The following SIK3 variants were observed in gnomAD, a reference collection of about 807,000 sequenced individuals.
SIK3 encodes the protein SIK family kinase 3, also known as serine/threonine-protein kinase SIK3.
Under a neutral mutation model 144.2 loss-of-function variants are expected in SIK3, and 28 were observed. The ratio of observed to expected loss-of-function variants is 0.19; its 90% confidence interval spans 0.14 to 0.27. The LOEUF (loss-of-function observed/expected upper bound fraction) is 0.27. Ranked by LOEUF, SIK3 falls within the 10% of genes least tolerant of loss-of-function variation. The probability of loss-of-function intolerance (pLI) is 1.00; values close to 1 mark genes in which losing one functional copy is unlikely to be tolerated. For synonymous variants in SIK3, 686 were observed against 676.3 expected, an observed-to-expected ratio of 1.01 and a Z score of -0.22; for missense variants, 1,319 against 1,776.0, an observed-to-expected ratio of 0.74 and a Z score of 4.62.
Position 117,098,386 on chromosome 11 carries a change from G to A in SIK3, c.30C>T (p.Gly10=), listed in dbSNP as rs1284711482. Residue 10 remains glycine (G), a synonymous_variant, in exon 1 of 25, where the codon GGC becomes GGT. Transcript: ENST00000445177. The part of the protein sequence containing the change: MAAAAASGA[G]GAAGAGTGGA... The stretch of plus-strand genomic sequence containing the variant: ...CCCCAGTCCCGGCCCCGGCAGCCCC[G>A]CCAGCTCCGCTCGCCGCCGCCGCCG... The A allele has an allele frequency of 3.5e-6, 4 of 1,153,814 alleles. No individual in the cohort carries two copies. The highest frequency in any genetic ancestry group is 4.3e-6 in the Non-Finnish European group (4 of 940,214). The allele number at this position is 1,153,814 out of a possible 1,614,324, so 71.5% of individuals were successfully genotyped here.
At chr11:117,074,810 C>T (rs1391777474) in intron 1 of SIK3, among the ~76,000 whole-genome samples, 3 of 151,810 alleles carry the variant, frequency 2.0e-5, no homozygotes, top group Non-Finnish European at 4.4e-5. Context: ...GCCTGTAATC[C>T]CAGCTACTGA....
chr11:116,947,493 C>A (rs1399714904), intron 3 of SIK3, among the ~76,000 whole-genome samples: 1 of 148,856 alleles, frequency 6.7e-6, no homozygotes, highest in Admixed American at 6.8e-5. Context: ...GCAACCAGAA[C>A]ACCATTTTTT....
At position 116,894,221 on chromosome 11, in the gene SIK3, G is replaced by T. The variant is rs74885676; in HGVS notation, c.865+2032C>A. On this transcript the variant is annotated intron_variant, in intron 6 of 24. Coordinates refer to ENST00000445177, the MANE Select transcript of SIK3 (RefSeq NM_001366686.3). ...TTCACCTGCTTGTTCTCTAAATAGC[G>T]GTATGTTCCAGAGTTTAATTCATGG... 8.5e-3 allele frequency among the ~76,000 whole-genome samples: 1,297 copies of T among 152,078 alleles called. 49 individuals are homozygous for T. The East Asian group carries it at 0.11, about 13-fold the overall frequency.
intron 3 of SIK3, among the ~76,000 whole-genome samples, chr11:116,941,851 T>C (rs1280617862): frequency 2.6e-5 from 4 of 152,180 alleles, no homozygotes; most frequent in Non-Finnish European, 5.9e-5. Flanking sequence ...TCTAAAGATA[T>C]CAGAGTGTGG....
At chr11:116,915,153 T>C (rs12290452) in intron 4 of SIK3, among the ~76,000 whole-genome samples, 37 of 149,212 alleles carry the variant, frequency 2.5e-4, no homozygotes, top group African/African-American at 9.1e-4. Flanking sequence ...TGTGTGTGTG[T>C]GTGTGTGTAT....
At chr11:117,036,936 G>A (rs1260883398) in intron 1 of SIK3, among the ~76,000 whole-genome samples, 1 of 152,122 alleles carries the variant, frequency 6.6e-6, no homozygotes, top group African/African-American at 2.4e-5. Flanking sequence ...AAATTTAAAT[G>A]TGTTTTATAC....
chr11:116,846,981 C>G lies in SIK3; in HGVS notation c.3953-428G>C, dbSNP rs1290127999. Among the ~76,000 whole-genome samples the G allele has an allele frequency of 2.0e-5, 3 of 152,140 alleles. No individual in the cohort carries two copies. The highest frequency in any genetic ancestry group is 7.2e-5 in the African/African-American group (3 of 41,432). On this transcript the variant is annotated intron_variant, in intron 23 of 24. Transcript: ENST00000445177. The surrounding 1 kb of genome is among the most constrained non-coding windows in gnomAD (Gnocchi z 4.1). ...ACTAAGCCAGCCAGCCCTCAGGGCACAATGTAGGATAAAGGCTCTATCGTT... is the reference window on the plus strand; with the variant it reads ...ACTAAGCCAGCCAGCCCTCAGGGCAGAATGTAGGATAAAGGCTCTATCGTT...
intron 1 of SIK3, among the ~76,000 whole-genome samples, chr11:117,045,400 CT>C (rs1379430218): frequency 3.3e-5 from 5 of 152,162 alleles, no homozygotes; most frequent in African/African-American, 7.2e-5. Flanking sequence ...CAGAGTTTCA[CT>C]TTAGCTCCAT....
At chr11:117,040,404 G>GC (rs754008152) in intron 1 of SIK3, among the ~76,000 whole-genome samples, 8 of 152,140 alleles carry the variant, frequency 5.3e-5, no homozygotes, top group Non-Finnish European at 1.0e-4. Context: ...ATGTTACTAG[G>GC]CAATAGCTAA....
intron 1 of SIK3, among the ~76,000 whole-genome samples, chr11:117,003,948 C>G (rs1950949090): frequency 1.3e-5 from 2 of 152,156 alleles, no homozygotes; most frequent in South Asian, 4.1e-4. Context: ...CCATGTGCTA[C>G]TGCTGCCTTC....
At chr11:117,090,516 A>C (rs1382552607) in intron 1 of SIK3, among the ~76,000 whole-genome samples, 2 of 152,216 alleles carry the variant, frequency 1.3e-5, no homozygotes, top group Non-Finnish European at 2.9e-5. Context: ...GGAAAGTGTT[A>C]GTCATTTAGT....
At chr11:116,960,140 TAGA>T (rs540451901) in intron 1 of SIK3, among the ~76,000 whole-genome samples, 62 of 152,336 alleles carry the variant, frequency 4.1e-4, no homozygotes, top group Middle Eastern at 3.4e-3. Context: ...AATCTGTTCT[TAGA>T]AGGCACGTAC....
intron 16 of SIK3, 38 bp downstream of exon 16, chr11:116,863,630 C>G: frequency 6.2e-7 from 1 of 1,612,898 alleles, no homozygotes; most frequent in Non-Finnish European, 8.5e-7. Context: ...CTCTGTCACC[C>G]ATGCTCCTCC....
intron 3 of SIK3, among the ~76,000 whole-genome samples, chr11:116,939,358 G>A (rs1446801953): frequency 2.0e-5 from 3 of 152,176 alleles, no homozygotes; most frequent in African/African-American, 7.2e-5. Flanking sequence ...ATGTTGGTCA[G>A]GCTGGTCTGA....
chr11:116,889,770 G>A (rs1445725897), intron 6 of SIK3, among the ~76,000 whole-genome samples: 2 of 152,030 alleles, frequency 1.3e-5, no homozygotes, highest in African/African-American at 2.4e-5. Context: ...GGTGGCGTGC[G>A]CCTGTAGACC....
At chr11:117,092,872 C>T (rs1391636478) in intron 1 of SIK3, among the ~76,000 whole-genome samples, 2 of 152,182 alleles carry the variant, frequency 1.3e-5, no homozygotes, top group Non-Finnish European at 2.9e-5. Context: ...ACAGAAATAA[C>T]TAGTCTGGGC....
At chr11:116,918,169 G>C (rs1185377679) in intron 4 of SIK3, among the ~76,000 whole-genome samples, 1 of 152,196 alleles carries the variant, frequency 6.6e-6, no homozygotes, top group Non-Finnish European at 1.5e-5. Context: ...TAAATCCAGT[G>C]AATTAACATA....
chr11:116,873,990 T>C lies in SIK3; in HGVS notation c.1494A>G (p.Pro498=). The C allele has an allele frequency of 6.2e-7, 1 of 1,614,096 alleles. No homozygotes were observed. Among genetic ancestry groups the C allele is most frequent in the Non-Finnish European group, 8.5e-7 (1 of 1,179,980 alleles). ...PGFPGVNPQA[P]FLQVAPNVNF... ...TCACATTAGGGGCCACCTGCAGGAA[T>C]GGAGCCTGGGGGTTGACTCCAGGAA... The change falls in exon 12 of 25, where the codon CCA becomes CCG. Residue 498 remains proline (P), a synonymous_variant. Coordinates refer to ENST00000445177, the MANE Select transcript of SIK3 (RefSeq NM_001366686.3).
chr11:116,977,573 AGAGAT>A (rs1949993307), intron 1 of SIK3, among the ~76,000 whole-genome samples: 1 of 152,216 alleles, frequency 6.6e-6, no homozygotes. Context: ...CGGAAAAGGA[AGAGAT>A]GTCAATTCAT....
Sources: allele counts gnomAD v4.1 joint callset (sites outside exome capture counted in the v4.1 genomes callset), GRCh38; gene constraint gnomAD v4.1.1; non-coding constraint Gnocchi (gnomAD v3.1); transcripts MANE v1.5; gene names NCBI Gene and HGNC (gene_info 2026-07-23, HGNC 2026-07-21).